NOTCH2: variants seen among roughly 807,000 people sequenced by gnomAD.
NOTCH2 encodes the protein neurogenic locus notch homolog protein 2.
Under a neutral mutation model 235.8 loss-of-function variants are expected in NOTCH2, and 29 were observed. That is an observed-to-expected ratio of 0.12 (90% CI 0.09 to 0.17). The LOEUF is 0.17. NOTCH2 is among the 10% of genes least tolerant of loss of function. The pLI is 1.00. For synonymous variants in NOTCH2, 1,086 were observed against 1,141.5 expected, an observed-to-expected ratio of 0.95 and a Z score of 0.98; for missense variants, 2,285 against 3,150.2, an observed-to-expected ratio of 0.73 and a Z score of 6.57.
intron 9 of NOTCH2, among the ~76,000 whole-genome samples, chr1:119,966,019 C>T (rs1651120866): frequency 6.6e-6 from 1 of 152,044 alleles, no homozygotes; most frequent in Admixed American, 6.6e-5. Context: ...GGTGAAATGT[C>T]TAAAAATAAC....
intron 11 of NOTCH2, among the ~76,000 whole-genome samples, chr1:119,960,416 C>CA (rs782136891): frequency 6.6e-6 from 1 of 150,576 alleles, no homozygotes; most frequent in Non-Finnish European, 1.5e-5. Flanking sequence ...TAACAGTATA[C>CA]AATCATTATT....
At chr1:120,031,303 A>C (rs192327263) in intron 1 of NOTCH2, among the ~76,000 whole-genome samples, 6,093 of 134,978 alleles carry the variant, frequency 0.045, 169 homozygotes, top group South Asian at 0.098. Flanking sequence ...AATGCATCCC[A>C]TCCTTGAAAT....
intron 2 of NOTCH2, among the ~76,000 whole-genome samples, chr1:120,016,178 CACAT>C (rs1489740635): frequency 4.1e-5 from 5 of 122,220 alleles, no homozygotes. Context: ...CGTACACACA[CACAT>C]ACACACTTTT....
At chr1:120,065,003 A>G (rs1361308641) in intron 1 of NOTCH2, among the ~76,000 whole-genome samples, 20 of 151,832 alleles carry the variant, frequency 1.3e-4, no homozygotes, top group African/African-American at 4.6e-4. Flanking sequence ...GTAATACAGG[A>G]AGCAGTGGAA....
intron 12 of NOTCH2, among the ~76,000 whole-genome samples, chr1:119,956,263 A>T (rs1650694067): frequency 6.6e-6 from 1 of 152,250 alleles, no homozygotes; most frequent in East Asian, 1.9e-4. Flanking sequence ...ATGATATGAA[A>T]TGTTAAAATT....
At chr1:119,964,203 C>T (rs1036644426) in intron 10 of NOTCH2, among the ~76,000 whole-genome samples, 5 of 152,074 alleles carry the variant, frequency 3.3e-5, no homozygotes, top group Non-Finnish European at 5.9e-5. Context: ...CTTATGTCCC[C>T]AATTCTGACT....
intron 12 of NOTCH2, among the ~76,000 whole-genome samples, chr1:119,957,041 C>T (rs782816562): frequency 2.6e-5 from 4 of 152,244 alleles, no homozygotes; most frequent in Non-Finnish European, 5.9e-5. Flanking sequence ...GTATAGTCCA[C>T]ACTTCAGAGT....
At chr1:119,957,254 T>C (rs1429466271) in intron 12 of NOTCH2, among the ~76,000 whole-genome samples, 1 of 152,250 alleles carries the variant, frequency 6.6e-6, no homozygotes, top group African/African-American at 2.4e-5. Flanking sequence ...CATCAAGGTC[T>C]GTCTCTCAGT....
intron 5 of NOTCH2, among the ~76,000 whole-genome samples, chr1:119,975,356 G>A (rs1651530969): frequency 1.3e-5 from 2 of 152,148 alleles, no homozygotes; most frequent in Non-Finnish European, 2.9e-5. Context: ...GTAAGATTAT[G>A]GGCACAGTCA....
At chr1:120,008,757 T>C (rs2101252421) in intron 2 of NOTCH2, among the ~76,000 whole-genome samples, 1 of 152,346 alleles carries the variant, frequency 6.6e-6, no homozygotes, top group South Asian at 2.1e-4. Context: ...ATATTAAACT[T>C]ATAATCATTC....
At chr1:119,968,007 G>A (rs587725106) in intron 7 of NOTCH2, 70 bp downstream of exon 7, 1 of 1,569,780 alleles carries the variant, frequency 6.4e-7, no homozygotes, top group East Asian at 2.2e-5. Context: ...ACAGTAAAAT[G>A]TGCTTCAGTT....
At chr1:119,949,241 A>C in intron 15 of NOTCH2, 115 bp from the exon 16 acceptor site, 1 of 1,054,610 alleles carries the variant, frequency 9.5e-7, no homozygotes, top group Non-Finnish European at 1.5e-6. Context: ...AGAGGCTTTG[A>C]AAATGGAGAA....
At chr1:119,923,504 G>A (rs1329603623) in intron 26 of NOTCH2, 133 bp downstream of exon 26, 3 of 816,254 alleles carry the variant, frequency 3.7e-6, no homozygotes, top group African/African-American at 3.4e-5. Flanking sequence ...GGGGTAACGG[G>A]TTTATCTTAA....
chr1:119,999,981 AAGGAAGGAAGG>A (rs1557840326), intron 3 of NOTCH2, among the ~76,000 whole-genome samples: 162 of 91,334 alleles, frequency 1.8e-3, no homozygotes, highest in African/African-American at 0.011. Flanking sequence ...GAAAGAAAGG[AAGGAAGGAAGG>A]AAGGAAGGAA....
rs587599283 is a variant in NOTCH2 at position 120,000,592 on chromosome 1, T to C, written c.416-3260A>G. Among the ~76,000 whole-genome samples the C allele has an allele frequency of 6.8e-5, 10 of 146,866 alleles. No homozygotes were observed. The East Asian group carries it at 1.8e-3, about 26-fold the overall frequency. On this transcript the variant is annotated intron_variant, in intron 3 of 33. Transcript: ENST00000256646. ...TGCAGAACACACCAAGAAGAGATCC[T>C]TCTTAACAACAAAGGAAGAAGTTTT...
At chr1:120,003,694 G>A (rs1435176552) in intron 3 of NOTCH2, among the ~76,000 whole-genome samples, 2 of 151,832 alleles carry the variant, frequency 1.3e-5, no homozygotes, top group East Asian at 1.9e-4. Context: ...ATTCAGGTGA[G>A]ATATGTGTAA....
intron 5 of NOTCH2, among the ~76,000 whole-genome samples, chr1:119,973,797 A>T (rs1421899785): frequency 6.6e-6 from 1 of 152,182 alleles, no homozygotes; most frequent in Non-Finnish European, 1.5e-5. Flanking sequence ...CTGGTGCAAG[A>T]AAGCACCAGC....
At chr1:119,952,644 C>T (rs969723567) in intron 14 of NOTCH2, among the ~76,000 whole-genome samples, 5 of 152,222 alleles carry the variant, frequency 3.3e-5, no homozygotes, top group African/African-American at 4.8e-5. Context: ...ATGTGAGTGA[C>T]GGGGAGTGGC....
intron 1 of NOTCH2, among the ~76,000 whole-genome samples, chr1:120,043,113 C>T (rs1429140466): frequency 6.6e-6 from 1 of 151,804 alleles, no homozygotes; most frequent in Admixed American, 6.6e-5. Flanking sequence ...TCTGATAGTA[C>T]TCCATACAAT....
Sources: gnomAD v4.1 joint callset for allele counts (sites outside exome capture counted in the v4.1 genomes callset) on GRCh38, gnomAD v4.1.1 for gene constraint, MANE v1.5 for transcripts, NCBI Gene and HGNC (gene_info 2026-07-23, HGNC 2026-07-21) for gene names.